The following CMSS1 variants were observed in gnomAD, a reference collection of about 807,000 sequenced individuals.
CMSS1 encodes the protein cms1 ribosomal small subunit homolog, also known as protein CMSS1.
Under a neutral mutation model 43.5 loss-of-function variants are expected in CMSS1, and 33 were observed. That is an observed-to-expected ratio of 0.76 (90% CI 0.57 to 1.01). The LOEUF is 1.01. CMSS1 is among the 50% of genes least tolerant of loss of function. CMSS1 has a pLI of 0.00. For missense variants in CMSS1, 313 were observed against 326.4 expected (o/e 0.96, Z 0.32); for synonymous variants, 115 against 117.2 (o/e 0.98, Z 0.12).
intron 1 of CMSS1, among the ~76,000 whole-genome samples, chr3:100,069,436 T>G (rs1456895822): frequency 6.6e-6 from 1 of 152,142 alleles, no homozygotes; most frequent in Admixed American, 6.5e-5. Context: ...GGCAAGTGGT[T>G]AAGAGAAAGG....
At chr3:99,840,079 A>T (rs571954991) in intron 1 of CMSS1, among the ~76,000 whole-genome samples, 20 of 152,152 alleles carry the variant, frequency 1.3e-4, no homozygotes, top group Non-Finnish European at 2.8e-4. Flanking sequence ...ATGCTCCTAA[A>T]CATTATACAG....
intron 1 of CMSS1, among the ~76,000 whole-genome samples, chr3:100,044,230 T>C (rs1335135232): frequency 2.0e-5 from 3 of 152,220 alleles, no homozygotes; most frequent in African/African-American, 7.2e-5. Context: ...GTGCCAGGCA[T>C]TGTGATGGGC....
intron 8 of CMSS1, among the ~76,000 whole-genome samples, chr3:100,176,001 C>G (rs957266933): frequency 6.6e-6 from 1 of 152,214 alleles, no homozygotes; most frequent in South Asian, 2.1e-4. Flanking sequence ...CGGGATTTAA[C>G]TTAGCAAATC....
intron 1 of CMSS1, among the ~76,000 whole-genome samples, chr3:100,070,064 G>A (rs1410436684): frequency 1.3e-5 from 2 of 152,156 alleles, no homozygotes; most frequent in African/African-American, 4.8e-5. Flanking sequence ...GATTAAGGAT[G>A]TACACATGGC....
intron 1 of CMSS1, among the ~76,000 whole-genome samples, chr3:100,115,216 C>T (rs996024944): frequency 2.0e-5 from 3 of 152,130 alleles, no homozygotes; most frequent in African/African-American, 7.2e-5. Context: ...ACCAGACATG[C>T]CTACCACCTG....
At chr3:100,028,017 G>A (rs2064958758) in intron 1 of CMSS1, among the ~76,000 whole-genome samples, 1 of 152,156 alleles carries the variant, frequency 6.6e-6, no homozygotes, top group South Asian at 2.1e-4. Flanking sequence ...GTACTGAAAT[G>A]ATGGGGTTGG....
At chr3:99,929,866 G>A in intron 1 of CMSS1, 1 of 1,611,746 alleles carries the variant, frequency 6.2e-7, no homozygotes, top group South Asian at 1.1e-5. Context: ...CTCATTCATT[G>A]GTTTCTCATA....
chr3:100,106,181 T>A (rs2107466981), intron 1 of CMSS1, among the ~76,000 whole-genome samples: 1 of 152,270 alleles, frequency 6.6e-6, no homozygotes, highest in Middle Eastern at 3.4e-3. Flanking sequence ...AGAGGTTGAC[T>A]TATCAAAAGG....
At chr3:99,896,257 G>T (rs1706249015) in intron 1 of CMSS1, among the ~76,000 whole-genome samples, 1 of 152,188 alleles carries the variant, frequency 6.6e-6, no homozygotes, top group Admixed American at 6.5e-5. Context: ...GTTTGAAACA[G>T]TGAATGGAAA....
At chr3:99,885,926 G>A (rs1019857282) in intron 1 of CMSS1, among the ~76,000 whole-genome samples, 8 of 152,204 alleles carry the variant, frequency 5.3e-5, no homozygotes, top group South Asian at 2.1e-4. Context: ...TCTTTTCAGC[G>A]AGTCATGGTA....
At chr3:100,018,079 A>G (rs1710396954) in intron 1 of CMSS1, among the ~76,000 whole-genome samples, 1 of 152,200 alleles carries the variant, frequency 6.6e-6, no homozygotes, top group African/African-American at 2.4e-5. Context: ...CTGTAATCTC[A>G]GCACTTTGGG....
At chr3:100,000,047 G>A (rs751391534) in intron 1 of CMSS1, among the ~76,000 whole-genome samples, 1 of 152,152 alleles carries the variant, frequency 6.6e-6, no homozygotes, top group Non-Finnish European at 1.5e-5. Context: ...CTGTAATGGG[G>A]CCCAGGCATC....
intron 1 of CMSS1, among the ~76,000 whole-genome samples, chr3:99,986,292 A>G (rs1709340283): frequency 6.6e-6 from 1 of 152,208 alleles, no homozygotes; most frequent in African/African-American, 2.4e-5. Context: ...GTGTTTTTTC[A>G]TGAAGCTTGT....
chr3:100,083,355 A>C (rs2065960460), intron 1 of CMSS1, among the ~76,000 whole-genome samples: 1 of 152,250 alleles, frequency 6.6e-6, no homozygotes, highest in African/African-American at 2.4e-5. Flanking sequence ...GTGGAACAGC[A>C]GCATCAGCAT....
intron 1 of CMSS1, among the ~76,000 whole-genome samples, chr3:99,838,972 A>G (rs1053146728): frequency 1.3e-5 from 2 of 152,074 alleles, no homozygotes; most frequent in African/African-American, 2.4e-5. Flanking sequence ...CCCTGCCCCA[A>G]CCATCTCAAC....
chr3:100,148,897 T>A (rs1176243954), intron 2 of CMSS1, among the ~76,000 whole-genome samples: 1 of 152,198 alleles, frequency 6.6e-6, no homozygotes, highest in Non-Finnish European at 1.5e-5. Context: ...ATACTAGTTT[T>A]AGTTTCAATC....
At chr3:100,131,604 C>G (rs1047087876) in intron 1 of CMSS1, among the ~76,000 whole-genome samples, 1 of 152,176 alleles carries the variant, frequency 6.6e-6, no homozygotes, top group African/African-American at 2.4e-5. Context: ...TTTCCCAGTT[C>G]TCTTGGAGAT....
Position 100,004,771 on chromosome 3 carries a change from A to G in CMSS1, c.65-142202A>G, listed in dbSNP as rs1576634832. On this transcript the variant is annotated intron_variant, in intron 1 of 9. Coordinates refer to ENST00000421999, the MANE Select transcript of CMSS1 (RefSeq NM_032359.4). ...TTTAAAAGTGGAAGCACGTAATGTCATCAAAATGAATTCTGGCTTCTGAGC... is the reference window on the plus strand; with the variant it reads ...TTTAAAAGTGGAAGCACGTAATGTCGTCAAAATGAATTCTGGCTTCTGAGC... 5.9e-5 allele frequency among the ~76,000 whole-genome samples: 9 copies of G among 152,368 alleles called. 2 individuals are homozygous for G. The highest frequency in any genetic ancestry group is 5.9e-4 in the Admixed American group (9 of 15,304).
chr3:100,122,795 G>T (rs576972560), intron 1 of CMSS1, among the ~76,000 whole-genome samples: 1 of 152,064 alleles, frequency 6.6e-6, no homozygotes, highest in Non-Finnish European at 1.5e-5. Context: ...GTCCAGTCAG[G>T]GTGGTCCTGG....
Sources: allele counts gnomAD v4.1 joint callset (sites outside exome capture counted in the v4.1 genomes callset), GRCh38; gene constraint gnomAD v4.1.1; transcripts MANE v1.5; gene names NCBI Gene and HGNC (gene_info 2026-07-23, HGNC 2026-07-21).